Variants in PRKCH observed in about 807,000 individuals in gnomAD.
The protein encoded by PRKCH is protein kinase C eta.
In PRKCH, 28 loss-of-function variants were observed where a neutral mutation model predicts 82.5. The ratio of observed to expected loss-of-function variants is 0.34; its 90% CI spans 0.25 to 0.47. The LOEUF (loss-of-function observed/expected upper bound fraction) is 0.47. PRKCH is among the 20% of genes least tolerant of loss of function. The pLI, the probability that PRKCH is intolerant of heterozygous loss-of-function variation, is 1.00. For synonymous variants in PRKCH, 322 were observed against 327.4 expected, an observed-to-expected ratio of 0.98 and a Z score of 0.18; for missense variants, 705 against 881.8, an observed-to-expected ratio of 0.80 and a Z score of 2.54.
intron 12 of PRKCH, among the ~76,000 whole-genome samples, chr14:61,531,806 A>C (rs2043046723): frequency 6.6e-6 from 1 of 152,236 alleles, no homozygotes; most frequent in African/African-American, 2.4e-5. Context: ...TTTTTGTAAG[A>C]ACAGTTCATT....
At chr14:61,253,978 C>T (rs1288468706) in intron 1 of PRKCH, among the ~76,000 whole-genome samples, 2 of 65,532 alleles carry the variant, frequency 3.1e-5, no homozygotes, top group Non-Finnish European at 5.5e-5. Flanking sequence ...CTCCCTCCCT[C>T]CTCCCTCCCT....
At position 61,460,727 on chromosome 14, in the gene PRKCH, C is replaced by T. The variant is rs1269573541; in HGVS notation, c.1278+3048C>T. 3.3e-5 allele frequency among the ~76,000 whole-genome samples: 5 copies of T among 152,168 alleles called. No individual in the cohort carries two copies. In the East Asian group the frequency reaches 9.6e-4, roughly 29 times the overall value. On this transcript the variant is annotated intron_variant, in intron 9 of 13. Transcript: ENST00000332981. ...TGGGCTGCGTCTCTAAATTCACACT[C>T]CCAAAGCTTGAGTGAGAAGGTGCAT... is the stretch of plus-strand genomic sequence containing the variant.
chr14:61,490,199 C>G (rs1886396308), intron 10 of PRKCH, among the ~76,000 whole-genome samples: 1 of 152,128 alleles, frequency 6.6e-6, no homozygotes, highest in Non-Finnish European at 1.5e-5. Context: ...GCAGATGTGG[C>G]CCACAGAGGA....
In PRKCH at chr14:61,331,973, T is replaced by C. The variant is rs142875129; in HGVS notation, c.363+9509T>C. Among the ~76,000 whole-genome samples the C allele has an allele frequency of 2.1e-4, 32 of 152,364 alleles. No individual in the cohort carries two copies. In the East Asian group the frequency reaches 5.0e-3, roughly 24 times the overall value. On this transcript the variant is annotated intron_variant, in intron 1 of 13. Coordinates refer to ENST00000332981, the MANE Select transcript of PRKCH (RefSeq NM_006255.5). The stretch of plus-strand genomic sequence containing the variant: ...TGGTTTAGAATCAGCCTTAAGGCAA[T>C]ACATTTCAAGCCATGCAGTTGTATT...
chr14:61,393,768 A>G (rs1035029134), intron 2 of PRKCH, among the ~76,000 whole-genome samples: 3 of 152,210 alleles, frequency 2.0e-5, no homozygotes, highest in Non-Finnish European at 4.4e-5. Flanking sequence ...TTCTGCCTTC[A>G]AGCCAATAAA....
At position 61,529,095 on chromosome 14, in the gene PRKCH, T is replaced by C. The variant is rs76877576; in HGVS notation, c.1454T>C (p.Val485Ala). The change falls in exon 11 of 14, where the codon GTC (valine) becomes GCC (alanine). Residue 485 changes from valine (V) to alanine (A), a missense_variant. Transcript: ENST00000332981. ...IIYRDLKLDN[V>A]LLDHEGHCKL... ...TTCAGAGATCTGAAACTGGACAATG[T>C]CCTGTTGGACCACGAGGGTCACTGT... 6.2e-7 allele frequency: 1 copy of C among 1,613,208 alleles called. No individual in the cohort carries two copies. Among genetic ancestry groups the C allele is most frequent in the Non-Finnish European group, 8.5e-7 (1 of 1,179,580 alleles).
intron 1 of PRKCH, among the ~76,000 whole-genome samples, chr14:61,197,051 C>G (rs1475168135): frequency 6.6e-6 from 1 of 152,136 alleles, no homozygotes; most frequent in Non-Finnish European, 1.5e-5. Flanking sequence ...ACTTGCTCAG[C>G]CGTCTCACTT....
At chr14:61,221,588 C>G (rs2044656569) in intron 1 of PRKCH, among the ~76,000 whole-genome samples, 1 of 152,102 alleles carries the variant, frequency 6.6e-6, no homozygotes, top group Admixed American at 6.5e-5. Context: ...CCGCTGCTGC[C>G]TATATTCTTC....
chr14:61,193,893 G>A (rs892393297), intron 1 of PRKCH, among the ~76,000 whole-genome samples: 1 of 152,150 alleles, frequency 6.6e-6, no homozygotes, highest in African/African-American at 2.4e-5. Context: ...CTGCACACCT[G>A]CTCTAGGATA....
chr14:61,346,180 A>G (rs991083758), intron 1 of PRKCH, among the ~76,000 whole-genome samples: 1 of 152,226 alleles, frequency 6.6e-6, no homozygotes, highest in Non-Finnish European at 1.5e-5. Flanking sequence ...AAAGCTTGTC[A>G]GGGTGGCACC....
intron 1 of PRKCH, among the ~76,000 whole-genome samples, chr14:61,336,510 T>C (rs1230134358): frequency 1.3e-5 from 2 of 152,212 alleles, no homozygotes; most frequent in African/African-American, 4.8e-5. Flanking sequence ...TTATTCAATA[T>C]TGGACAGCAG....
At chr14:61,470,998 ACTAACCTATCC>A (rs1242531029) in intron 9 of PRKCH, among the ~76,000 whole-genome samples, 1 of 152,118 alleles carries the variant, frequency 6.6e-6, no homozygotes, top group Non-Finnish European at 1.5e-5. Context: ...CGAAGTGGAA[ACTAACCTATCC>A]CTGCAGCCAG....
At chr14:61,395,290 G>GTCC (rs1555383074) in intron 2 of PRKCH, among the ~76,000 whole-genome samples, 1 of 124,258 alleles carries the variant, frequency 8.0e-6, no homozygotes, top group Non-Finnish European at 1.7e-5. Context: ...AGGAAATGGA[G>GTCC]CCCCCCCCCG....
rs561370014 is a variant in PRKCH at position 61,492,474 on chromosome 14, T to G, written c.1433+6818T>G. On this transcript the variant is annotated intron_variant, in intron 10 of 13. Coordinates refer to ENST00000332981, the MANE Select transcript of PRKCH (RefSeq NM_006255.5). ...AAAAATTGTTTCTCATAGTGGATAT[T>G]CTCTTCGGATGACTCATCTGCTGTT... 5.9e-5 allele frequency among the ~76,000 whole-genome samples: 9 copies of G among 152,338 alleles called. No homozygotes were observed. The East Asian group carries it at 1.5e-3, about 26-fold the overall frequency.
chr14:61,405,614 G>A (rs553822792), intron 2 of PRKCH, among the ~76,000 whole-genome samples: 303 of 152,338 alleles, frequency 2.0e-3, no homozygotes, highest in Non-Finnish European at 3.8e-3. Context: ...CTGATCTCAG[G>A]TGATCGGCAC....
At chr14:61,223,691 CAG>C (rs966485161) in intron 1 of PRKCH, among the ~76,000 whole-genome samples, 20 of 152,254 alleles carry the variant, frequency 1.3e-4, no homozygotes, top group African/African-American at 4.6e-4. Context: ...ATCTGTATAA[CAG>C]AGAGAATAAG....
chr14:61,438,803 G>A (rs1883804783), intron 2 of PRKCH, among the ~76,000 whole-genome samples: 1 of 152,144 alleles, frequency 6.6e-6, no homozygotes, highest in African/African-American at 2.4e-5. Context: ...ACAAGCATGG[G>A]GTGACAGTCC....
intron 1 of PRKCH, among the ~76,000 whole-genome samples, chr14:61,261,580 A>G (rs1194447192): frequency 1.3e-5 from 2 of 152,250 alleles, no homozygotes; most frequent in African/African-American, 4.8e-5. Flanking sequence ...GGTCTGAATC[A>G]GCAGGGGAAG....
intron 1 of PRKCH, among the ~76,000 whole-genome samples, chr14:61,388,418 G>A (rs2046622988): frequency 6.6e-6 from 1 of 152,166 alleles, no homozygotes. Flanking sequence ...ATCTCCTGCT[G>A]TCTGTCAGAG....
Sources: gnomAD v4.1 joint callset for allele counts (sites outside exome capture counted in the v4.1 genomes callset) on GRCh38, gnomAD v4.1.1 for gene constraint, MANE v1.5 for transcripts, NCBI Gene and HGNC (gene_info 2026-07-23, HGNC 2026-07-21) for gene names.